PTPRG: variants seen among roughly 807,000 people sequenced by gnomAD.
PTPRG encodes protein tyrosine phosphatase receptor type G, also known as receptor-type tyrosine-protein phosphatase gamma.
A neutral mutation model predicts 165.3 loss-of-function variants in PTPRG; 102 were observed. The observed-to-expected ratio is 0.62, with a 90% CI of 0.53 to 0.73. The LOEUF is 0.73. PTPRG is among the 30% of genes least tolerant of loss of function. PTPRG has a pLI of 0.00. For synonymous variants in PTPRG, 675 were observed against 669.5 expected, an observed-to-expected ratio of 1.01 and a Z score of -0.13; for missense variants, 1,866 against 1,861.4, an observed-to-expected ratio of 1.00 and a Z score of -0.05.
At chr3:61,880,481 G>C (rs1436844201) in intron 2 of PTPRG, among the ~76,000 whole-genome samples, 2 of 152,076 alleles carry the variant, frequency 1.3e-5, no homozygotes, top group East Asian at 3.9e-4. Context: ...TTAGCTGGGT[G>C]TGTTGGTGTA....
At chr3:62,044,558 A>G (rs1396974672) in intron 4 of PTPRG, among the ~76,000 whole-genome samples, 1 of 152,148 alleles carries the variant, frequency 6.6e-6, no homozygotes, top group Non-Finnish European at 1.5e-5. Flanking sequence ...AGGAAAAAAA[A>G]TGGCTAAGGA....
intron 1 of PTPRG, among the ~76,000 whole-genome samples, chr3:61,717,773 G>GC (rs914985169): frequency 6.6e-6 from 1 of 151,936 alleles, no homozygotes; most frequent in African/African-American, 2.4e-5. Context: ...TGGCGACAGA[G>GC]CCAGACCCTG....
At chr3:62,150,033 C>T (rs1704271213) in intron 6 of PTPRG, among the ~76,000 whole-genome samples, 1 of 152,354 alleles carries the variant, frequency 6.6e-6, no homozygotes, top group Admixed American at 6.5e-5. Flanking sequence ...CTCAGTTCCT[C>T]ACTGCCTTCA....
rs57644199 is a variant in PTPRG, at chr3:61,830,566, G to GTTTTTTTTTTTTTTTTT, written c.190+81592_190+81608dup. 2.1e-4 allele frequency among the ~76,000 whole-genome samples: 18 copies of GTTTTTTTTTTTTTTTTT among 86,524 alleles called. 1 individual carries two copies. Among genetic ancestry groups the GTTTTTTTTTTTTTTTTT allele is most frequent in the South Asian group, 3.7e-4 (1 of 2,694 alleles). The allele number at this position is 86,524 out of a possible 152,430, so 56.8% of individuals were successfully genotyped here. ...ACTGGTGATGGTTCTTTTTGTTTTT[G>GTTTTTTTTTTTTTTTTT]TTTTTTTTTTTTTTTTTTTTTTTTG... is the stretch of plus-strand genomic sequence containing the variant. On this transcript the variant is annotated intron_variant, in intron 2 of 29. Coordinates refer to ENST00000474889, the MANE Select transcript of PTPRG (RefSeq NM_002841.4).
intron 5 of PTPRG, among the ~76,000 whole-genome samples, chr3:62,084,899 C>T (rs1701695925): frequency 6.6e-6 from 1 of 152,148 alleles, no homozygotes; most frequent in Non-Finnish European, 1.5e-5. Flanking sequence ...AAAACTGTGG[C>T]TTGATTGTGT....
intron 6 of PTPRG, among the ~76,000 whole-genome samples, chr3:62,152,801 T>C (rs1427596219): frequency 6.6e-6 from 1 of 152,210 alleles, no homozygotes; most frequent in African/African-American, 2.4e-5. Flanking sequence ...TGGCTATGGC[T>C]GTCAAGGTGA....
chr3:61,779,902 C>T (rs2034494861), intron 2 of PTPRG, among the ~76,000 whole-genome samples: 1 of 152,278 alleles, frequency 6.6e-6, no homozygotes, highest in Admixed American at 6.5e-5. Flanking sequence ...CGATAGCGAG[C>T]AGCTCTGAGG....
intron 2 of PTPRG, among the ~76,000 whole-genome samples, chr3:61,987,478 G>A (rs931906282): frequency 4.6e-5 from 7 of 152,196 alleles, no homozygotes; most frequent in Non-Finnish European, 1.0e-4. Context: ...TTAGTAGTAG[G>A]AGGAGAATTA....
At chr3:62,236,423 G>T (rs577101709) in intron 14 of PTPRG, among the ~76,000 whole-genome samples, 2 of 152,242 alleles carry the variant, frequency 1.3e-5, no homozygotes, top group East Asian at 1.9e-4. Flanking sequence ...TTCATGCAGG[G>T]TTTACTACAA....
At position 62,282,638 on chromosome 3, in the gene PTPRG, C is replaced by T. The variant is rs114941739; in HGVS notation, c.3913-89C>T. 4,152 of 1,355,972 alleles carry T rather than the reference C, an allele frequency of 3.1e-3. 9 individuals carry two copies. Among genetic ancestry groups the T allele is most frequent in the Non-Finnish European group, 3.9e-3 (3,917 of 1,002,868 alleles). The allele number at this position is 1,355,972 out of a possible 1,614,324, so 84.0% of individuals were successfully genotyped here. On this transcript the variant is annotated intron_variant, in intron 27 of 29. Transcript: ENST00000474889. ...ACATTGTTGAGAGTTACCTATAACACATGGCTTTCTCAGGAGCAAGTTCTA... is the reference window on the plus strand; with the variant it reads ...ACATTGTTGAGAGTTACCTATAACATATGGCTTTCTCAGGAGCAAGTTCTA...
intron 2 of PTPRG, chr3:61,771,484 T>C (rs1381732481): frequency 6.6e-6 from 1 of 152,210 alleles, no homozygotes; most frequent in African/African-American, 2.4e-5. Flanking sequence ...CCATGACATA[T>C]GACTTCTATG....
chr3:62,091,333 T>C lies in PTPRG; in HGVS notation c.615+13075T>C, dbSNP rs940577341. Among the ~76,000 whole-genome samples the C allele has an allele frequency of 2.0e-5, 3 of 152,210 alleles. No individual in the cohort carries two copies. The East Asian group carries it at 5.8e-4, about 29-fold the overall frequency. On this transcript the variant is annotated intron_variant, in intron 5 of 29. Transcript: ENST00000474889. The stretch of plus-strand genomic sequence containing the variant: ...AGGAGGTAACCAAATTCAAATTTCC[T>C]CAAGGAGCATCTGCATGTCTTTCTT...
chr3:61,626,119 T>G (rs1701602772), intron 1 of PTPRG, among the ~76,000 whole-genome samples: 1 of 151,978 alleles, frequency 6.6e-6, no homozygotes, highest in Admixed American at 6.6e-5. Flanking sequence ...TGAATAGGAA[T>G]CAAGAGTGTG....
intron 2 of PTPRG, among the ~76,000 whole-genome samples, chr3:61,961,667 G>A (rs947420109): frequency 3.3e-5 from 5 of 152,112 alleles, no homozygotes; most frequent in Admixed American, 6.5e-5. Flanking sequence ...AGGTTTCCAT[G>A]GATCTACATT....
At chr3:61,743,926 G>A (rs1448861650) in intron 1 of PTPRG, among the ~76,000 whole-genome samples, 1 of 152,154 alleles carries the variant, frequency 6.6e-6, no homozygotes, top group Non-Finnish European at 1.5e-5. Context: ...ATCCGTAAAG[G>A]CATTCATTTG....
At chr3:62,134,969 T>G (rs1017181006) in intron 6 of PTPRG, among the ~76,000 whole-genome samples, 3 of 152,136 alleles carry the variant, frequency 2.0e-5, no homozygotes, top group African/African-American at 7.2e-5. Context: ...GAAATAGTTT[T>G]TTAAAAAAAA....
At chr3:61,865,375 G>A (rs1003012253) in intron 2 of PTPRG, among the ~76,000 whole-genome samples, 22 of 152,166 alleles carry the variant, frequency 1.4e-4, no homozygotes, top group African/African-American at 5.3e-4. Context: ...CACAAGGAAT[G>A]TGTTGTTATT....
intron 2 of PTPRG, among the ~76,000 whole-genome samples, chr3:61,984,498 C>G (rs2040710779): frequency 6.6e-6 from 1 of 152,126 alleles, no homozygotes; most frequent in Admixed American, 6.6e-5. Context: ...ATAGACACGG[C>G]CTAAGTGCAT....
intron 1 of PTPRG, among the ~76,000 whole-genome samples, chr3:61,680,201 T>C (rs1197136882): frequency 6.6e-6 from 1 of 152,054 alleles, no homozygotes; most frequent in Admixed American, 6.5e-5. Flanking sequence ...CCAAGTGTAA[T>C]TATTAACAGT....
Sources: gnomAD v4.1 joint callset for allele counts (sites outside exome capture counted in the v4.1 genomes callset) on GRCh38, gnomAD v4.1.1 for gene constraint, MANE v1.5 for transcripts, NCBI Gene and HGNC (gene_info 2026-07-23, HGNC 2026-07-21) for gene names.